Variants in SLC25A26 observed in about 807,000 individuals in gnomAD.
SLC25A26 encodes the protein solute carrier family 25 member 26.
A neutral mutation model predicts 37.8 loss-of-function variants in SLC25A26; 36 were observed. That is an observed-to-expected ratio of 0.95 (90% confidence interval 0.73 to 1.26). The LOEUF (loss-of-function observed/expected upper bound fraction) is 1.26. Among genes scored for constraint, SLC25A26 ranks in the 50% most tolerant of loss-of-function variants. The pLI, the probability that SLC25A26 is intolerant of heterozygous loss-of-function variation, is 0.00. For synonymous variants in SLC25A26, 129 were observed against 122.5 expected, an observed-to-expected ratio of 1.05 and a Z score of -0.35; for missense variants, 390 against 331.1, an observed-to-expected ratio of 1.18 and a Z score of -1.38.
intron 5 of SLC25A26, among the ~76,000 whole-genome samples, chr3:66,321,892 C>A (rs2075704479): frequency 6.6e-6 from 1 of 151,898 alleles, no homozygotes; most frequent in Non-Finnish European, 1.5e-5. Flanking sequence ...CAGAAATTAC[C>A]TGTTCATTAT....
At chr3:66,345,836 T>C (rs1205032686) in intron 5 of SLC25A26, among the ~76,000 whole-genome samples, 2 of 152,252 alleles carry the variant, frequency 1.3e-5, no homozygotes, top group East Asian at 3.8e-4. Flanking sequence ...AGCCAGACTA[T>C]TGTGCTTCTG....
At chr3:66,255,175 T>C (rs2073251423) in intron 3 of SLC25A26, among the ~76,000 whole-genome samples, 1 of 152,242 alleles carries the variant, frequency 6.6e-6, no homozygotes, top group Admixed American at 6.5e-5. Context: ...AGACAGGATC[T>C]CATAGGTGGC....
chr3:66,312,045 C>T lies in SLC25A26; in HGVS notation c.454-34319C>T, dbSNP rs578221197. On this transcript the variant is annotated intron_variant, in intron 5 of 9. Transcript: ENST00000354883. ...GTGCTGCGAGATCCACTCCTCTCTTCAGAGCTGGCAGACAGGAACAGTTAA... is the reference window on the plus strand; with the variant it reads ...GTGCTGCGAGATCCACTCCTCTCTTTAGAGCTGGCAGACAGGAACAGTTAA... Among the ~76,000 whole-genome samples the T allele has an allele frequency of 1.3e-4, 20 of 152,338 alleles. No individual in the cohort carries two copies. In the East Asian group the frequency reaches 3.9e-3, roughly 29 times the overall value.
chr3:66,192,124 G>T (rs1169181018), intron 1 of SLC25A26, among the ~76,000 whole-genome samples: 3 of 151,880 alleles, frequency 2.0e-5, no homozygotes, highest in African/African-American at 4.8e-5. Context: ...AGACCAGCAT[G>T]TCCAGTAATG....
At chr3:66,202,531 G>GAAAAAAAAAAAAAAAAAAAAGA (rs1177179044) in intron 1 of SLC25A26, among the ~76,000 whole-genome samples, 1 of 86,528 alleles carries the variant, frequency 1.2e-5, no homozygotes, top group Non-Finnish European at 2.4e-5. Context: ...AAAGTAAAAT[G>GAAAAAAAAAAAAAAAAAAAAGA]AAAAAAAAAA....
At chr3:66,341,800 C>T (rs78936267) in intron 5 of SLC25A26, among the ~76,000 whole-genome samples, 6,655 of 151,888 alleles carry the variant, frequency 0.044, 494 homozygotes, top group African/African-American at 0.15. Flanking sequence ...TCTTTATGTA[C>T]GGTGTAAATA....
intron 5 of SLC25A26, among the ~76,000 whole-genome samples, chr3:66,308,439 A>C (rs1286402149): frequency 6.6e-6 from 1 of 152,202 alleles, no homozygotes; most frequent in African/African-American, 2.4e-5. Context: ...CAATCTTGTT[A>C]ACTGCAAACG....
chr3:66,260,192 G>A lies in SLC25A26; in HGVS notation c.301-1859G>A, dbSNP rs551662473. Reference sequence around the variant, plus strand: ...CATTTCCCATAATCTTTGTCCATGCGCCCCACCCCCCTTTTGGCCATGTTT... The same window carrying A: ...CATTTCCCATAATCTTTGTCCATGCACCCCACCCCCCTTTTGGCCATGTTT... On this transcript the variant is annotated intron_variant, in intron 3 of 9. Transcript: ENST00000354883. Among the ~76,000 whole-genome samples, 108 of 151,920 alleles carry A rather than the reference G, an allele frequency of 7.1e-4. 1 individual carries two copies. The highest frequency in any genetic ancestry group is 1.4e-3 in the Non-Finnish European group (96 of 67,960).
chr3:66,369,328 G>A (rs1053456553), intron 7 of SLC25A26, 150 bp from the exon 8 acceptor site: 1 of 649,570 alleles, frequency 1.5e-6, no homozygotes, highest in Admixed American at 2.5e-5. Context: ...TGAAGCGTGT[G>A]GATAAAGATT....
In SLC25A26 at chr3:66,221,175, C is replaced by T. The variant is rs147424344; in HGVS notation, c.33+48C>T. On this transcript the variant is annotated intron_variant, in intron 1 of 9. Coordinates refer to ENST00000354883, the MANE Select transcript of SLC25A26 (RefSeq NM_001379210.1). ...GGTTGCTCAGAGTGCCGGCGTCCGG[C>T]ATTGGAGCCCGCGGGCGTTCTCTGC... 4.8e-4 allele frequency: 724 copies of T among 1,498,346 alleles called. 3 individuals carry two copies. In the African/African-American group the frequency reaches 9.1e-3, roughly 19 times the overall value. The allele number at this position is 1,498,346 out of a possible 1,614,324, so 92.8% of individuals were successfully genotyped here.
chr3:66,258,546 T>C (rs1001372473), intron 3 of SLC25A26, among the ~76,000 whole-genome samples: 1 of 152,228 alleles, frequency 6.6e-6, no homozygotes, highest in African/African-American at 2.4e-5. Flanking sequence ...CAAACAGCAC[T>C]GTTCAATGGA....
chr3:66,206,748 G>A (rs2106823720), intron 1 of SLC25A26, among the ~76,000 whole-genome samples: 1 of 150,568 alleles, frequency 6.6e-6, no homozygotes, highest in Non-Finnish European at 1.5e-5. Context: ...TATTGCATAG[G>A]CTGGGGTGTA....
chr3:66,225,765 A>G (rs1012550657), intron 1 of SLC25A26, among the ~76,000 whole-genome samples: 7 of 152,158 alleles, frequency 4.6e-5, no homozygotes, highest in African/African-American at 1.4e-4. Context: ...GATACTGTAA[A>G]TCATCTCTCT....
At chr3:66,231,580 C>T (rs2072034497) in intron 1 of SLC25A26, among the ~76,000 whole-genome samples, 1 of 152,122 alleles carries the variant, frequency 6.6e-6, no homozygotes. Context: ...TCCTGAATCT[C>T]TTTCCACAGA....
chr3:66,375,128 C>A (rs1454463020), intron 9 of SLC25A26, among the ~76,000 whole-genome samples: 1 of 152,246 alleles, frequency 6.6e-6, no homozygotes, highest in Non-Finnish European at 1.5e-5. Context: ...CCGGCCACAA[C>A]ATCCCCTTAA....
intron 2 of SLC25A26, among the ~76,000 whole-genome samples, chr3:66,240,156 G>A (rs893671680): frequency 1.4e-4 from 22 of 152,270 alleles, no homozygotes; most frequent in Admixed American, 6.5e-4. Context: ...GAGATAATTA[G>A]TGTCACGTGG....
rs145849299 is a variant in SLC25A26 at position 66,145,719 on chromosome 3, T to A, written c.-354+11735T>A. On this transcript the variant is annotated intron_variant, in intron 1 of 10. Transcript: ENST00000676754. ...AATAGAAATTAGAAGGTGTTCCATC[T>A]TATTTCAATTTTCTTTTTTCCCCAC... 6.4e-4 allele frequency among the ~76,000 whole-genome samples: 98 copies of A among 152,348 alleles called. 1 individual carries two copies. In the East Asian group the frequency reaches 0.017, roughly 26 times the overall value.
intron 3 of SLC25A26, among the ~76,000 whole-genome samples, chr3:66,244,721 C>T (rs2072746610): frequency 6.6e-6 from 1 of 151,988 alleles, no homozygotes; most frequent in African/African-American, 2.4e-5. Context: ...GCCTGTAATC[C>T]CAGCACTTTG....
chr3:66,261,160 T>G (rs1249156503), intron 3 of SLC25A26, among the ~76,000 whole-genome samples: 1 of 152,236 alleles, frequency 6.6e-6, no homozygotes, highest in Non-Finnish European at 1.5e-5. Flanking sequence ...AGGTTACATA[T>G]GTGAAATCTA....
Sources: gnomAD v4.1 joint callset for allele counts (sites outside exome capture counted in the v4.1 genomes callset) on GRCh38, gnomAD v4.1.1 for gene constraint, MANE v1.5 for transcripts, NCBI Gene and HGNC (gene_info 2026-07-23, HGNC 2026-07-21) for gene names.